Variants in GPCPD1 observed in about 807,000 individuals in gnomAD.
GPCPD1 encodes the protein glycerophosphocholine phosphodiesterase 1, also known as glycerophosphocholine phosphodiesterase GPCPD1.
A neutral mutation model predicts 89.2 loss-of-function variants in GPCPD1; 29 were observed. That is an observed-to-expected ratio of 0.33 (90% CI 0.24 to 0.44). The LOEUF (loss-of-function observed/expected upper bound fraction) is 0.44. GPCPD1 is among the 20% of genes least tolerant of loss of function. The probability of loss-of-function intolerance (pLI) is 1.00; values close to 1 mark genes in which losing one functional copy is unlikely to be tolerated. For synonymous variants in GPCPD1, 258 were observed against 266.3 expected (o/e 0.97, Z 0.30); for missense variants, 594 against 808.9 (o/e 0.73, Z 3.22).
intron 1 of GPCPD1, among the ~76,000 whole-genome samples, chr20:5,606,206 A>G (rs1024771217): frequency 6.6e-5 from 10 of 152,184 alleles, no homozygotes; most frequent in Admixed American, 5.9e-4. Flanking sequence ...ACTTCGAGAT[A>G]CTTACATAAT....
chr20:5,561,375 C>T, intron 16 of GPCPD1, 90 bp downstream of exon 16: 2 of 676,186 alleles, frequency 3.0e-6, no homozygotes, highest in Non-Finnish European at 5.2e-6. Flanking sequence ...TTCAATTTAG[C>T]TTATTCCATT....
chr20:5,580,055 T>A lies in GPCPD1; in HGVS notation c.426A>T (p.Lys142Asn), dbSNP rs1428614212. 2 of 1,519,142 alleles carry A rather than the reference T, an allele frequency of 1.3e-6. No individual in the cohort carries two copies. The highest frequency in any genetic ancestry group is 1.8e-6 in the Non-Finnish European group (2 of 1,094,952). The allele number at this position is 1,519,142 out of a possible 1,614,324, so 94.1% of individuals were successfully genotyped here. The change falls in exon 7 of 20, where the codon AAA (lysine) becomes AAT (asparagine). Residue 142 changes from lysine to asparagine, a missense_variant. Physicochemically the swap from Lys to Asn is moderately conservative, Grantham distance 94. Coordinates refer to ENST00000379019, the MANE Select transcript of GPCPD1 (RefSeq NM_019593.5). ...EIRLRLHYSE[K>N]PPVSITKKKL... Reference sequence around the variant, plus strand: ...TTTTCTTGGTTATTGACACAGGAGGTTTTTCAGAATAATGCAAACGTAATC... The same window carrying A: ...TTTTCTTGGTTATTGACACAGGAGGATTTTCAGAATAATGCAAACGTAATC...
At chr20:5,553,900 G>T in intron 19 of GPCPD1, among the ~76,000 whole-genome samples, 1 of 140,878 alleles carries the variant, frequency 7.1e-6, no homozygotes, top group Non-Finnish European at 1.5e-5. Context: ...TGATGGAGAA[G>T]CTGCAGTTAA....
chr20:5,551,793 C>T (rs1985426446), intron 19 of GPCPD1, among the ~76,000 whole-genome samples: 1 of 152,012 alleles, frequency 6.6e-6, no homozygotes, highest in South Asian at 2.1e-4. Context: ...CGGCCTCTTA[C>T]TCATCATCCT....
chr20:5,549,161 T>C (rs1350774892), intron 19 of GPCPD1: 2 of 655,314 alleles, frequency 3.1e-6, no homozygotes, highest in East Asian at 3.4e-5. Context: ...ACAGGGAGGA[T>C]GATGGCTAAT....
In GPCPD1 at chr20:5,582,622, C is replaced by CATGGGTA. The variant is rs1303615947; in HGVS notation, c.349+1658_349+1659insTACCCAT. Among the ~76,000 whole-genome samples the CATGGGTA allele has an allele frequency of 1.5e-4, 23 of 152,328 alleles. 1 individual carries two copies. The highest frequency in any genetic ancestry group is 4.6e-4 in the African/African-American group (19 of 41,576). ...TGAGGATGCAGGCTGGGCATGGTGG[C>CATGGGTA]TTACGCCTGTAATCCCAACACTTTG... On this transcript the variant is annotated intron_variant, in intron 6 of 19. Coordinates refer to ENST00000379019, the MANE Select transcript of GPCPD1 (RefSeq NM_019593.5).
intron 8 of GPCPD1, 45 bp downstream of exon 8, chr20:5,578,335 G>C (rs376728740): frequency 8.8e-7 from 1 of 1,134,138 alleles, no homozygotes; most frequent in South Asian, 1.2e-5. Flanking sequence ...AAATAAGCTT[G>C]TCCCTGCATT....
intron 18 of GPCPD1, among the ~76,000 whole-genome samples, chr20:5,558,396 GAAT>G (rs1312593048): frequency 2.0e-5 from 3 of 151,990 alleles, no homozygotes; most frequent in Non-Finnish European, 4.4e-5. Context: ...TGTAAAATGG[GAAT>G]AATATTTTTA....
intron 8 of GPCPD1, 84 bp downstream of exon 8, chr20:5,578,296 G>A: frequency 3.5e-6 from 3 of 866,268 alleles, no homozygotes; most frequent in Non-Finnish European, 3.8e-6. Flanking sequence ...ACACAAATTA[G>A]ATTAAAATGA....
At chr20:5,604,620 G>GC (rs1032647812) in intron 1 of GPCPD1, among the ~76,000 whole-genome samples, 180 bp from the exon 2 acceptor site, 1 of 84,342 alleles carries the variant, frequency 1.2e-5, no homozygotes, top group Non-Finnish European at 2.4e-5. Flanking sequence ...GCGGGGGGGG[G>GC]GGGGCGGGAA....
chr20:5,580,154 C>G, intron 6 of GPCPD1, 23 bp from the exon 7 acceptor site: 2 of 1,308,116 alleles, frequency 1.5e-6, no homozygotes. Context: ...ATATGAAGAA[C>G]AGTAATTATT....
chr20:5,607,153 G>A (rs1176345778), intron 1 of GPCPD1, among the ~76,000 whole-genome samples: 1 of 152,126 alleles, frequency 6.6e-6, no homozygotes, highest in Non-Finnish European at 1.5e-5. Flanking sequence ...TGGGCATGGT[G>A]GTGGGCACCG....
chr20:5,549,230 A>T, intron 19 of GPCPD1: 1 of 744,110 alleles, frequency 1.3e-6, no homozygotes, highest in Non-Finnish European at 2.4e-6. Context: ...TAGAGACTCT[A>T]CTGTGTCTTA....
At chr20:5,602,287 T>TTCTGC (rs1227482320) in intron 2 of GPCPD1, among the ~76,000 whole-genome samples, 12 of 152,216 alleles carry the variant, frequency 7.9e-5, no homozygotes, top group Admixed American at 5.9e-4. Context: ...CTGTGGCCAG[T>TTCTGC]TCTGCGGTCA....
At chr20:5,547,984 T>C (rs1985127256) in intron 19 of GPCPD1, 134 bp from the exon 20 acceptor site, 2 of 494,470 alleles carry the variant, frequency 4.0e-6, no homozygotes, top group Admixed American at 3.5e-5. Context: ...TTTTGTTTTG[T>C]TTTAAAGATG....
chr20:5,585,986 G>A, intron 5 of GPCPD1: 1 of 426,274 alleles, frequency 2.3e-6, no homozygotes, highest in East Asian at 3.5e-5. Flanking sequence ...AAAATATCTA[G>A]GTAAATATTT....
intron 19 of GPCPD1, among the ~76,000 whole-genome samples, chr20:5,552,954 C>T (rs1311708662): frequency 2.0e-5 from 3 of 152,310 alleles, no homozygotes; most frequent in Non-Finnish European, 2.9e-5. Context: ...AGGCAATCTT[C>T]GTCTTACTGC....
chr20:5,591,659 T>C (rs769464225), intron 4 of GPCPD1, among the ~76,000 whole-genome samples: 10 of 152,256 alleles, frequency 6.6e-5, no homozygotes, highest in Non-Finnish European at 1.2e-4. Context: ...ACTTCTATTA[T>C]TTGACAATGT....
intron 17 of GPCPD1, 77 bp from the exon 18 acceptor site, chr20:5,558,896 C>T: frequency 9.0e-7 from 1 of 1,108,280 alleles, no homozygotes; most frequent in Non-Finnish European, 1.3e-6. Flanking sequence ...TTAGAAAACA[C>T]TGAAAGTATA....
Sources: allele counts gnomAD v4.1 joint callset (sites outside exome capture counted in the v4.1 genomes callset), GRCh38; gene constraint gnomAD v4.1.1; transcripts MANE v1.5; gene names NCBI Gene and HGNC (gene_info 2026-07-23, HGNC 2026-07-21).